The following RASGRF1 variants were observed in gnomAD, a reference collection of about 807,000 sequenced individuals.
The protein encoded by RASGRF1 is ras-specific guanine nucleotide-releasing factor 1.
A neutral mutation model predicts 138.7 loss-of-function variants in RASGRF1; 40 were observed. The ratio of observed to expected loss-of-function variants is 0.29; its 90% CI spans 0.22 to 0.38. RASGRF1 has a LOEUF of 0.38. Ranked by LOEUF, RASGRF1 falls within the 10% of genes least tolerant of loss-of-function variation. The pLI, the probability that RASGRF1 is intolerant of heterozygous loss-of-function variation, is 1.00. For missense variants in RASGRF1, 1,108 were observed against 1,650.4 expected (o/e 0.67, Z 5.69); for synonymous variants, 614 against 663.2 (o/e 0.93, Z 1.14).
chr15:79,057,095 G>A (rs74767225), intron 3 of RASGRF1, among the ~76,000 whole-genome samples: 3 of 152,178 alleles, frequency 2.0e-5, no homozygotes, highest in East Asian at 1.9e-4. Context: ...GGGAGCAACC[G>A]GTTGAGTCAG....
At position 78,961,964 on chromosome 15, in the gene RASGRF1, C is replaced by T. The variant is rs1174752311; in HGVS notation, c.*180G>A. 7 of 570,624 alleles carry T rather than the reference C, an allele frequency of 1.2e-5. No homozygotes were observed. The highest frequency in any genetic ancestry group is 3.0e-5 in the Admixed American group (1 of 32,902). 35.3% of individuals were successfully genotyped at this position (570,624 alleles called of 1,614,324 possible). ...GGAGACGAGGGGAGGGATGGGTGGG[C>T]GAAGTCTGAAACGGTGCAGAAATTC... On this transcript the variant is annotated 3_prime_UTR_variant, in exon 27 of 27. Coordinates refer to ENST00000558480, the MANE Select transcript of RASGRF1 (RefSeq NM_001145648.3).
chr15:78,970,621 C>CAAAAAAAAAAAAAAAAAAAAAAAAAAAAA (rs55689628), intron 26 of RASGRF1, among the ~76,000 whole-genome samples: 1 of 57,904 alleles, frequency 1.7e-5, no homozygotes, highest in Non-Finnish European at 3.5e-5. Context: ...GACTCTGTCT[C>CAAAAAAAAAAAAAAAAAAAAAAAAAAAAA]AAAAAAAAAA....
At chr15:79,016,571 C>G (rs1329612305) in intron 12 of RASGRF1, among the ~76,000 whole-genome samples, 1 of 152,234 alleles carries the variant, frequency 6.6e-6, no homozygotes, top group Non-Finnish European at 1.5e-5. Context: ...TCTGGGCAAG[C>G]AGCCCCAGGC....
intron 5 of RASGRF1, among the ~76,000 whole-genome samples, chr15:79,035,948 G>A (rs1417998769): frequency 1.3e-5 from 2 of 152,220 alleles, no homozygotes; most frequent in South Asian, 2.1e-4. Context: ...TTGTCGCCAC[G>A]TAACGTGCTG....
rs71148584 is a variant in RASGRF1 at position 78,978,220 on chromosome 15, G to GTTT, written c.3494+2397_3494+2399dup. ...CTTCTTTTTCTTTTTCTTTTCTTTT[G>GTTT]TTTTTTTTTTTTTTTTTTTTTTTTG... On this transcript the variant is annotated intron_variant, in intron 24 of 26. Coordinates refer to ENST00000558480, the MANE Select transcript of RASGRF1 (RefSeq NM_001145648.3). Among the ~76,000 whole-genome samples, 553 of 124,842 alleles carry GTTT rather than the reference G, an allele frequency of 4.4e-3. 22 individuals are homozygous for GTTT. Among genetic ancestry groups the GTTT allele is most frequent in the African/African-American group, 0.016 (407 of 24,684 alleles). The allele number at this position is 124,842 out of a possible 152,430, so 81.9% of individuals were successfully genotyped here.
intron 1 of RASGRF1, among the ~76,000 whole-genome samples, chr15:79,087,240 G>A (rs2057993491): frequency 1.3e-5 from 2 of 152,184 alleles, no homozygotes; most frequent in Admixed American, 6.5e-5. Context: ...TCTTCCTCAG[G>A]GGCTCACAGC....
intron 19 of RASGRF1, 99 bp from the exon 20 acceptor site, chr15:78,995,899 CT>C: frequency 8.8e-7 from 1 of 1,131,938 alleles, no homozygotes; most frequent in Non-Finnish European, 1.3e-6. Flanking sequence ...TTACGCCCCT[CT>C]GTCCTCGTCA....
chr15:78,960,530 C>T lies in RASGRF1; in HGVS notation c.*1614G>A, dbSNP rs1009236660. On this transcript the variant is annotated 3_prime_UTR_variant, in exon 27 of 27. Transcript: ENST00000558480. ...AGCCCAGCAGACATCAACATCCAGCCATGTGACAGCGCCATCTTGGTGCAC... is the reference window on the plus strand; with the variant it reads ...AGCCCAGCAGACATCAACATCCAGCTATGTGACAGCGCCATCTTGGTGCAC... 7.2e-5 allele frequency: 11 copies of T among 152,624 alleles called. No homozygotes were observed. Among genetic ancestry groups the T allele is most frequent in the African/African-American group, 2.4e-4 (10 of 41,584 alleles). The allele number at this position is 152,624 out of a possible 1,614,324, so 9.5% of individuals were successfully genotyped here.
intron 10 of RASGRF1, among the ~76,000 whole-genome samples, chr15:79,021,756 G>A (rs1188173218): frequency 6.6e-6 from 1 of 152,134 alleles, no homozygotes; most frequent in Non-Finnish European, 1.5e-5. Flanking sequence ...CACTTCCCTT[G>A]TCTATATAAA....
At chr15:79,064,597 C>A (rs1465278582) in intron 1 of RASGRF1, 71 bp from the exon 2 acceptor site, 2 of 1,483,328 alleles carry the variant, frequency 1.3e-6, no homozygotes, top group Non-Finnish European at 1.9e-6. Flanking sequence ...TGCAATCAAT[C>A]TAGCTGTTTT....
At chr15:79,002,862 A>G (rs1055793594) in intron 15 of RASGRF1, among the ~76,000 whole-genome samples, 11 of 152,144 alleles carry the variant, frequency 7.2e-5, no homozygotes, top group African/African-American at 2.7e-4. Context: ...CTCAGAGGAG[A>G]GAAATCCTTC....
intron 13 of RASGRF1, among the ~76,000 whole-genome samples, chr15:79,008,173 G>C (rs1362236281): frequency 6.6e-6 from 1 of 152,250 alleles, no homozygotes; most frequent in Non-Finnish European, 1.5e-5. Flanking sequence ...TTCTACCTAG[G>C]AGTGCAGATA....
chr15:79,060,930 T>C (rs1008083401), intron 2 of RASGRF1, among the ~76,000 whole-genome samples: 1 of 152,004 alleles, frequency 6.6e-6, no homozygotes, highest in Non-Finnish European at 1.5e-5. Context: ...TGTGGCTCAG[T>C]TGACCTTAAG....
chr15:79,064,417 T>C lies in RASGRF1; in HGVS notation c.383+3A>G, dbSNP rs1243455042. On this transcript the variant is annotated splice_donor_region_variant and intron_variant, in intron 2 of 26. Coordinates refer to ENST00000558480, the MANE Select transcript of RASGRF1 (RefSeq NM_001145648.3). ...GCTTCCTGCCCTGGGCAAGGAGACATACCTGGCATGTGCAATGGCTGCCAC... is the reference window on the plus strand; with the variant it reads ...GCTTCCTGCCCTGGGCAAGGAGACACACCTGGCATGTGCAATGGCTGCCAC... The C allele has an allele frequency of 1.2e-6, 2 of 1,613,462 alleles. No individual in the cohort carries two copies. The highest frequency in any genetic ancestry group is 3.3e-5 in the Admixed American group (2 of 60,020).
chr15:79,016,946 T>A (rs1165530656), intron 12 of RASGRF1, among the ~76,000 whole-genome samples: 2 of 152,186 alleles, frequency 1.3e-5, no homozygotes, highest in Admixed American at 1.3e-4. Context: ...CTTCTGCTGT[T>A]GGCTGCTCTC....
At chr15:78,989,021 C>T (rs2056217487) in intron 22 of RASGRF1, among the ~76,000 whole-genome samples, 1 of 152,112 alleles carries the variant, frequency 6.6e-6, no homozygotes, top group Admixed American at 6.6e-5. Context: ...AATGAGATTA[C>T]TATGCACAAA....
intron 25 of RASGRF1, 87 bp from the exon 26 acceptor site, chr15:78,972,021 T>A: frequency 8.6e-7 from 1 of 1,156,732 alleles, no homozygotes; most frequent in South Asian, 1.2e-5. Flanking sequence ...CATCAACAAC[T>A]AAATCTGAAG....
chr15:79,038,696 A>G (rs1196582255), intron 5 of RASGRF1, among the ~76,000 whole-genome samples: 1 of 152,026 alleles, frequency 6.6e-6, no homozygotes, highest in African/African-American at 2.4e-5. Flanking sequence ...TTGCTCAGCT[A>G]TTTGCCTGTT....
At chr15:79,016,594 C>T (rs917110055) in intron 12 of RASGRF1, among the ~76,000 whole-genome samples, 2 of 152,294 alleles carry the variant, frequency 1.3e-5, no homozygotes, top group Admixed American at 6.5e-5. Context: ...TTGACGGCTG[C>T]GGCTCACTGG....
Sources: allele counts gnomAD v4.1 joint callset (sites outside exome capture counted in the v4.1 genomes callset), GRCh38; gene constraint gnomAD v4.1.1; transcripts MANE v1.5; gene names NCBI Gene and HGNC (gene_info 2026-07-23, HGNC 2026-07-21).